Variants in SORCS1 observed in about 807,000 individuals in gnomAD.
SORCS1 encodes VPS10 domain-containing receptor SorCS1.
In SORCS1, 60 loss-of-function variants were observed where a neutral mutation model predicts 146.1. That is an observed-to-expected ratio of 0.41 (90% CI 0.33 to 0.51). SORCS1 has a LOEUF of 0.51. SORCS1 is among the 20% of genes least tolerant of loss of function. SORCS1 has a pLI of 0.21. For missense variants in SORCS1, 1,352 were observed against 1,487.6 expected, an observed-to-expected ratio of 0.91 and a Z score of 1.50; for synonymous variants, 637 against 584.0, an observed-to-expected ratio of 1.09 and a Z score of -1.31.
At chr10:106,614,890 C>T (rs1032303590) in intron 21 of SORCS1, among the ~76,000 whole-genome samples, 7 of 152,106 alleles carry the variant, frequency 4.6e-5, no homozygotes, top group African/African-American at 1.4e-4. Flanking sequence ...TATACACTTG[C>T]GTATTTTTAT....
chr10:106,755,004 G>A (rs111821133), intron 5 of SORCS1, among the ~76,000 whole-genome samples: 74 of 152,314 alleles, frequency 4.9e-4, no homozygotes, highest in African/African-American at 1.7e-3. Context: ...TAATTAATAG[G>A]TTGCTGAAGA....
rs756287410 is a variant in SORCS1, at chr10:106,699,370, A to G, written c.1257T>C (p.Asp419=). 4 of 1,613,066 alleles carry G rather than the reference A, an allele frequency of 2.5e-6. No individual in the cohort carries two copies. Among genetic ancestry groups the G allele is most frequent in the Non-Finnish European group, 3.4e-6 (4 of 1,179,476 alleles). Residue 419 remains aspartate, a synonymous_variant, in exon 9 of 26, where the codon GAT becomes GAC. Transcript: ENST00000263054. ...GGACCGCTGCGAACACCTGATTCTC[A>G]TCGGTGCTGATAACATGCATGTCCT... ...LPKDMHVIST[D]ENQVFAAVQE... is the part of the protein sequence containing the mutation.
At chr10:106,718,406 T>C (rs1432094210) in intron 6 of SORCS1, among the ~76,000 whole-genome samples, 1 of 152,206 alleles carries the variant, frequency 6.6e-6, no homozygotes, top group African/African-American at 2.4e-5. Flanking sequence ...GTGTTACAGT[T>C]CTTAAAGATG....
intron 2 of SORCS1, among the ~76,000 whole-genome samples, chr10:106,944,871 C>CTTTTTTTTTTTTTTTTTTTTT (rs1564838013): frequency 1.1e-4 from 7 of 61,024 alleles, no homozygotes; most frequent in African/African-American, 2.7e-4. Flanking sequence ...AAGAAAGAGC[C>CTTTTTTTTTTTTTTTTTTTTT]TTCTTTTTTT....
chr10:106,798,792 G>A (rs1946722389), intron 3 of SORCS1, among the ~76,000 whole-genome samples: 1 of 152,072 alleles, frequency 6.6e-6, no homozygotes, highest in Non-Finnish European at 1.5e-5. Context: ...TAATGCTTTG[G>A]GTATATACCC....
At chr10:106,838,814 C>A (rs972691331) in intron 2 of SORCS1, among the ~76,000 whole-genome samples, 11 of 152,160 alleles carry the variant, frequency 7.2e-5, no homozygotes, top group Non-Finnish European at 1.6e-4. Context: ...TGTCTCTGTG[C>A]CACATTTTGG....
intron 21 of SORCS1, among the ~76,000 whole-genome samples, chr10:106,616,186 G>A (rs1847349647): frequency 6.6e-6 from 1 of 152,248 alleles, no homozygotes; most frequent in South Asian, 2.1e-4. Context: ...GACCAGATAA[G>A]GCCAAGATTT....
At chr10:107,053,148 C>T (rs952150903) in intron 1 of SORCS1, among the ~76,000 whole-genome samples, 2 of 151,776 alleles carry the variant, frequency 1.3e-5, no homozygotes, top group African/African-American at 4.9e-5. Flanking sequence ...TTTCACTCTA[C>T]TGTCTAAGAA....
chr10:107,021,643 A>G (rs1958148725), intron 1 of SORCS1, among the ~76,000 whole-genome samples: 1 of 151,900 alleles, frequency 6.6e-6, no homozygotes. Flanking sequence ...ATTCACTAAG[A>G]GCAAGTATGT....
At chr10:107,076,861 A>G (rs754930648) in intron 1 of SORCS1, among the ~76,000 whole-genome samples, 1 of 152,152 alleles carries the variant, frequency 6.6e-6, no homozygotes, top group Non-Finnish European at 1.5e-5. Context: ...AGTCTGGGAC[A>G]TTGGAATGAC....
rs758041476 is a variant in SORCS1 at position 107,068,566 on chromosome 10, C to G, written c.558+95403G>C. ...AAACTTCAAGAGCTATAATCTATTT[C>G]AGAAAGCTCACCATGAACTGCCGAG... On this transcript the variant is annotated intron_variant, in intron 1 of 25. Coordinates refer to ENST00000263054, the MANE Select transcript of SORCS1 (RefSeq NM_052918.5). Among the ~76,000 whole-genome samples, 3 of 152,234 alleles carry G rather than the reference C, an allele frequency of 2.0e-5. No individual in the cohort carries two copies. The South Asian group carries it at 6.2e-4, about 32-fold the overall frequency.
At chr10:106,764,701 C>T (rs1440623604) in intron 4 of SORCS1, among the ~76,000 whole-genome samples, 1 of 152,084 alleles carries the variant, frequency 6.6e-6, no homozygotes, top group African/African-American at 2.4e-5. Flanking sequence ...GGCACTATTC[C>T]TCTACTAGTG....
intron 1 of SORCS1, among the ~76,000 whole-genome samples, chr10:107,017,229 A>G (rs1957934916): frequency 6.6e-6 from 1 of 152,256 alleles, no homozygotes. Flanking sequence ...TGTAGCAACT[A>G]AAAACTGGAA....
At chr10:106,667,567 G>C (rs937414010) in intron 17 of SORCS1, 122 bp downstream of exon 17, 29 of 627,104 alleles carry the variant, frequency 4.6e-5, no homozygotes, top group Non-Finnish European at 7.3e-5. Context: ...ATGAACAAAA[G>C]CAATTACATT....
chr10:107,120,171 A>C (rs1230195176), intron 1 of SORCS1, among the ~76,000 whole-genome samples: 5 of 152,190 alleles, frequency 3.3e-5, no homozygotes, highest in African/African-American at 1.2e-4. Flanking sequence ...TAATGTCAGA[A>C]ATAATTAGAA....
chr10:107,061,160 G>A (rs937186458), intron 1 of SORCS1, among the ~76,000 whole-genome samples: 2 of 152,010 alleles, frequency 1.3e-5, no homozygotes, highest in Non-Finnish European at 2.9e-5. Flanking sequence ...TGTTTAACGA[G>A]AATTTTTACC....
chr10:106,611,762 C>T lies in SORCS1; in HGVS notation c.3033+149G>A, dbSNP rs543373162. ...TCTGCATGTGTGGGGCTCAGCTTTG[C>T]AGACATCAGGCCAGAACTTCCCATG... On this transcript the variant is annotated intron_variant, in intron 22 of 25. Transcript: ENST00000263054. The T allele has an allele frequency of 7.3e-5, 47 of 641,362 alleles. No individual in the cohort carries two copies. In the East Asian group the frequency reaches 9.9e-4, roughly 14 times the overall value. 39.7% of individuals were successfully genotyped at this position (641,362 alleles called of 1,614,324 possible).
chr10:107,087,234 C>T (rs781730544), intron 1 of SORCS1, among the ~76,000 whole-genome samples: 20 of 152,126 alleles, frequency 1.3e-4, no homozygotes, highest in Admixed American at 3.3e-4. Flanking sequence ...CACCATTTGG[C>T]TTGTCCCCTC....
chr10:106,668,873 C>A (rs1278417790), intron 16 of SORCS1, among the ~76,000 whole-genome samples: 2 of 152,204 alleles, frequency 1.3e-5, no homozygotes, highest in Non-Finnish European at 2.9e-5. Flanking sequence ...AGGAGAGGGC[C>A]AAACCAAGGA....
Sources: gnomAD v4.1 joint callset for allele counts (sites outside exome capture counted in the v4.1 genomes callset) on GRCh38, gnomAD v4.1.1 for gene constraint, MANE v1.5 for transcripts, NCBI Gene and HGNC (gene_info 2026-07-23, HGNC 2026-07-21) for gene names.